The following FAM120A variants were observed in gnomAD, a reference collection of about 807,000 sequenced individuals.
FAM120A encodes the protein constitutive coactivator of PPAR-gamma-like protein 1.
FAM120A carries 15 observed loss-of-function variants against 109.7 expected under a neutral mutation model. That is an observed-to-expected ratio of 0.14 (90% CI 0.09 to 0.21). FAM120A has a LOEUF of 0.21. Among genes scored for constraint, FAM120A ranks in the 10% least tolerant of loss-of-function variants. The probability of loss-of-function intolerance (pLI) is 1.00; values close to 1 mark genes in which losing one functional copy is unlikely to be tolerated. For synonymous variants in FAM120A, 493 were observed against 572.8 expected (o/e 0.86, Z 1.99); for missense variants, 899 against 1,439.3 (o/e 0.62, Z 6.07).
chr9:93,507,192 C>G (rs1407575704), intron 5 of FAM120A, among the ~76,000 whole-genome samples: 1 of 152,106 alleles, frequency 6.6e-6, no homozygotes, highest in Non-Finnish European at 1.5e-5. Context: ...GTTGCAGTCC[C>G]TGGGGCAAGT....
At chr9:93,523,015 G>C (rs1860908043) in intron 7 of FAM120A, among the ~76,000 whole-genome samples, 1 of 152,204 alleles carries the variant, frequency 6.6e-6, no homozygotes, top group Non-Finnish European at 1.5e-5. Context: ...CAGAACCTCA[G>C]AGCATTCAAA....
At chr9:93,496,547 G>A (rs1051827279) in intron 3 of FAM120A, among the ~76,000 whole-genome samples, 4 of 152,174 alleles carry the variant, frequency 2.6e-5, no homozygotes, top group African/African-American at 7.2e-5. Flanking sequence ...ATCCCAGCCC[G>A]TCCAGCCTCG....
At chr9:93,558,555 C>T (rs750933920) in intron 14 of FAM120A, 26 bp from the exon 15 acceptor site, 7 of 1,611,274 alleles carry the variant, frequency 4.3e-6, no homozygotes, top group Non-Finnish European at 5.9e-6. Context: ...CACTTCTCCC[C>T]TCTCTCTCTA....
intron 16 of FAM120A, 144 bp downstream of exon 16, chr9:93,561,394 T>G: frequency 1.3e-6 from 1 of 781,582 alleles, no homozygotes; most frequent in Non-Finnish European, 1.9e-6. Flanking sequence ...ATTATTTAGT[T>G]TTTATTTATT....
At chr9:93,533,797 C>T (rs575406989) in intron 10 of FAM120A, among the ~76,000 whole-genome samples, 1 of 152,306 alleles carries the variant, frequency 6.6e-6, no homozygotes, top group East Asian at 1.9e-4. Flanking sequence ...CTGGGTGTTG[C>T]AGCTCCTTTG....
chr9:93,489,008 TA>T (rs34387679), intron 3 of FAM120A, among the ~76,000 whole-genome samples: 4,022 of 143,042 alleles, frequency 0.028, 103 homozygotes, highest in African/African-American at 0.074. Flanking sequence ...ATGTATCTGT[TA>T]AAAAAAAAAA....
intron 10 of FAM120A, among the ~76,000 whole-genome samples, chr9:93,534,578 C>T (rs570695118): frequency 2.8e-4 from 42 of 152,218 alleles, no homozygotes; most frequent in African/African-American, 8.9e-4. Context: ...AAGGGAACGC[C>T]GTATCTTCAA....
rs1862616203 is a variant in FAM120A, at chr9:93,565,893, A to G, written c.*1353A>G. 6.6e-6 allele frequency: 1 copy of G among 152,650 alleles called. No homozygotes were observed. The highest frequency in any genetic ancestry group is 1.5e-5 in the Non-Finnish European group (1 of 68,038). 9.5% of individuals were successfully genotyped at this position (152,650 alleles called of 1,614,324 possible). The stretch of plus-strand genomic sequence containing the variant: ...TACTTCTGATGCTCTTCATCACATT[A>G]GTGATCAGAAATGAGGTGTAATTCC... On this transcript the variant is annotated 3_prime_UTR_variant, in exon 18 of 18. Transcript: ENST00000277165.
intron 7 of FAM120A, among the ~76,000 whole-genome samples, chr9:93,525,674 C>T (rs1340729588): frequency 6.6e-6 from 1 of 152,240 alleles, no homozygotes; most frequent in Non-Finnish European, 1.5e-5. Context: ...AGCCGCTATC[C>T]ATTGTCTGCT....
intron 1 of FAM120A, among the ~76,000 whole-genome samples, chr9:93,454,922 T>A (rs1438985675): frequency 6.6e-6 from 1 of 152,348 alleles, no homozygotes; most frequent in African/African-American, 2.4e-5. Context: ...GCTGAGCAAC[T>A]GGATCCTTAC....
chr9:93,526,969 A>T lies in FAM120A; in HGVS notation c.1419-186A>T, dbSNP rs556530009. On this transcript the variant is annotated intron_variant, in intron 7 of 17. Transcript: ENST00000277165. ...TGTTCGATAGTTTCTTTTCCATAGT[A>T]TGTGGTTATCACCTACCCTTTTGAA... Among the ~76,000 whole-genome samples, 4 of 152,314 alleles carry T rather than the reference A, an allele frequency of 2.6e-5. No homozygotes were observed. The South Asian group carries it at 6.2e-4, about 24-fold the overall frequency.
At chr9:93,560,412 CA>C (rs1362747705) in intron 15 of FAM120A, among the ~76,000 whole-genome samples, 2 of 152,070 alleles carry the variant, frequency 1.3e-5, no homozygotes, top group East Asian at 3.8e-4. Context: ...CATGTGGCTA[CA>C]AAAAAATATA....
chr9:93,520,729 T>A (rs972847826), intron 7 of FAM120A, among the ~76,000 whole-genome samples: 1 of 152,186 alleles, frequency 6.6e-6, no homozygotes, highest in Non-Finnish European at 1.5e-5. Flanking sequence ...GCCCCCATGC[T>A]GTCATCAGGG....
At position 93,565,610 on chromosome 9, in the gene FAM120A, C is replaced by CAG. The variant is rs1862607693; in HGVS notation, c.*1070_*1071insAG. 6.6e-6 allele frequency: 1 copy of CAG among 151,412 alleles called. No homozygotes were observed. Among genetic ancestry groups the CAG allele is most frequent in the Non-Finnish European group, 1.5e-5 (1 of 67,912 alleles). The allele number at this position is 151,412 out of a possible 1,614,324, so 9.4% of individuals were successfully genotyped here. The stretch of plus-strand genomic sequence containing the variant: ...CAACATTACCCTGGTGTATTCACTG[C>CAG]TGTATGCATTATTGTTCTTTGTTGC... On this transcript the variant is annotated 3_prime_UTR_variant, in exon 18 of 18. Transcript: ENST00000277165.
chr9:93,495,775 T>C (rs1318767094), intron 3 of FAM120A, among the ~76,000 whole-genome samples: 1 of 152,160 alleles, frequency 6.6e-6, no homozygotes, highest in African/African-American at 2.4e-5. Flanking sequence ...TTTCAGGAAA[T>C]TGGACAACAT....
intron 5 of FAM120A, among the ~76,000 whole-genome samples, chr9:93,514,847 C>T (rs578128234): frequency 6.6e-6 from 1 of 152,352 alleles, no homozygotes; most frequent in East Asian, 1.9e-4. Context: ...AGTTAGGCCG[C>T]GCGAGGCCAG....
At chr9:93,556,673 T>A in intron 13 of FAM120A, 82 bp downstream of exon 13, 1 of 1,346,332 alleles carries the variant, frequency 7.4e-7, no homozygotes, top group Non-Finnish European at 1.1e-6. Flanking sequence ...TTATACCATA[T>A]TTATCATCCT....
At chr9:93,554,436 G>A (rs117169005) in intron 12 of FAM120A, among the ~76,000 whole-genome samples, 370 of 152,254 alleles carry the variant, frequency 2.4e-3, no homozygotes, top group Non-Finnish European at 4.2e-3. Context: ...TTGGGAGGCC[G>A]AGGATCTTCT....
At chr9:93,510,340 A>G (rs911565236) in intron 5 of FAM120A, among the ~76,000 whole-genome samples, 1 of 152,068 alleles carries the variant, frequency 6.6e-6, no homozygotes, top group Non-Finnish European at 1.5e-5. Context: ...AAGAACCTAC[A>G]CCCTCCTTTG....
Sources: allele counts gnomAD v4.1 joint callset (sites outside exome capture counted in the v4.1 genomes callset), GRCh38; gene constraint gnomAD v4.1.1; transcripts MANE v1.5; gene names NCBI Gene and HGNC (gene_info 2026-07-23, HGNC 2026-07-21).